The following SCFD2 variants were observed in gnomAD, a reference collection of about 807,000 sequenced individuals.
SCFD2 encodes sec1 family domain containing 2, also known as sec1 family domain-containing protein 2.
In SCFD2, 54 loss-of-function variants were observed where a neutral mutation model predicts 58.9. That is an observed-to-expected ratio of 0.92 (90% confidence interval 0.74 to 1.15). The LOEUF (loss-of-function observed/expected upper bound fraction) is 1.15. SCFD2 is among the 50% of genes most tolerant of loss of function. The probability of loss-of-function intolerance (pLI) is 0.00; values close to 1 mark genes in which losing one functional copy is unlikely to be tolerated. For synonymous variants in SCFD2, 321 were observed against 335.9 expected (o/e 0.96, Z 0.49); for missense variants, 805 against 836.6 (o/e 0.96, Z 0.47).
chr4:52,930,345 T>C (rs545717767), intron 5 of SCFD2, among the ~76,000 whole-genome samples: 4 of 152,292 alleles, frequency 2.6e-5, no homozygotes, highest in East Asian at 3.9e-4. Context: ...TTATGCCTTA[T>C]ATGAAAATTA....
At chr4:53,179,596 T>C (rs1333653616) in intron 4 of SCFD2, among the ~76,000 whole-genome samples, 2 of 152,264 alleles carry the variant, frequency 1.3e-5, no homozygotes, top group East Asian at 1.9e-4. Context: ...CATCAACTAA[T>C]GAGCAAAATA....
chr4:53,008,332 C>G (rs1412483406), intron 5 of SCFD2, among the ~76,000 whole-genome samples: 3 of 152,144 alleles, frequency 2.0e-5, no homozygotes, highest in African/African-American at 7.2e-5. Flanking sequence ...GAATGACACC[C>G]CCCCTTCCCC....
At chr4:52,921,038 G>C (rs192459794) in intron 5 of SCFD2, among the ~76,000 whole-genome samples, 168 bp from the exon 6 acceptor site, 1 of 151,390 alleles carries the variant, frequency 6.6e-6, no homozygotes, top group Non-Finnish European at 1.5e-5. Flanking sequence ...CAACTGGGCT[G>C]TTTCAATCGT....
intron 5 of SCFD2, among the ~76,000 whole-genome samples, chr4:53,103,768 T>TAAAAAAA (rs35959095): frequency 2.9e-5 from 1 of 34,024 alleles, no homozygotes; most frequent in Non-Finnish European, 4.9e-5. Flanking sequence ...AGTAAGGAAG[T>TAAAAAAA]AAAAAAAAAA....
intron 4 of SCFD2, among the ~76,000 whole-genome samples, chr4:53,177,213 T>C (rs997921541): frequency 6.6e-6 from 1 of 152,106 alleles, no homozygotes; most frequent in Non-Finnish European, 1.5e-5. Flanking sequence ...TAGAGTCTAG[T>C]GGGGGATAGA....
chr4:53,247,025 C>A (rs982949294), intron 4 of SCFD2, among the ~76,000 whole-genome samples: 7 of 144,320 alleles, frequency 4.9e-5, no homozygotes, highest in South Asian at 2.2e-4. Flanking sequence ...CCAAACAACA[C>A]CATTAAAAAT....
intron 5 of SCFD2, among the ~76,000 whole-genome samples, chr4:53,025,203 T>C (rs1722444057): frequency 6.6e-6 from 1 of 152,216 alleles, no homozygotes; most frequent in African/African-American, 2.4e-5. Flanking sequence ...CTTGGTCATA[T>C]AATACCACAT....
chr4:53,072,287 G>A lies in SCFD2; in HGVS notation c.1561+73046C>T, dbSNP rs190776303. On this transcript the variant is annotated intron_variant, in intron 5 of 8. Coordinates refer to ENST00000401642, the MANE Select transcript of SCFD2 (RefSeq NM_152540.4). ...AATAACTTATTCAGGCAGATAGTGAGGATAAAAGAGTCCTCAGCAGAATTT... is the reference window on the plus strand; with the variant it reads ...AATAACTTATTCAGGCAGATAGTGAAGATAAAAGAGTCCTCAGCAGAATTT... 6.9e-3 allele frequency among the ~76,000 whole-genome samples: 1,053 copies of A among 152,238 alleles called. 12 individuals are homozygous for A. The highest frequency in any genetic ancestry group is 8.5e-3 in the Non-Finnish European group (577 of 68,010).
rs189231998 is a variant in SCFD2, at chr4:53,155,010, T to C, written c.1312-9428A>G. Among the ~76,000 whole-genome samples the C allele has an allele frequency of 2.1e-3, 314 of 152,348 alleles. 1 individual carries two copies. The highest frequency in any genetic ancestry group is 4.1e-3 in the South Asian group (20 of 4,826). The stretch of plus-strand genomic sequence containing the variant: ...AGAGACAACCCTGATGACATCTTGA[T>C]GTTAATCCAGTAAGACCTTCCGAAC... On this transcript the variant is annotated intron_variant, in intron 4 of 8. Transcript: ENST00000401642.
chr4:53,277,209 C>T (rs1167774435), intron 3 of SCFD2, among the ~76,000 whole-genome samples: 1 of 152,178 alleles, frequency 6.6e-6, no homozygotes, highest in Non-Finnish European at 1.5e-5. Flanking sequence ...TTAATTCAGC[C>T]TCTTACGTGT....
chr4:53,024,578 T>C (rs531456775), intron 5 of SCFD2, among the ~76,000 whole-genome samples: 4 of 152,158 alleles, frequency 2.6e-5, no homozygotes, highest in Non-Finnish European at 5.9e-5. Flanking sequence ...AGACTGGCCA[T>C]CCAGTGCCAA....
chr4:52,992,744 C>T (rs577976907), intron 5 of SCFD2, among the ~76,000 whole-genome samples: 4 of 151,896 alleles, frequency 2.6e-5, no homozygotes, highest in East Asian at 1.9e-4. Context: ...AGAGCCCCTC[C>T]GCCCGGCAGC....
intron 5 of SCFD2, among the ~76,000 whole-genome samples, chr4:53,097,199 C>T (rs1398651701): frequency 6.6e-6 from 1 of 152,134 alleles, no homozygotes; most frequent in African/African-American, 2.4e-5. Flanking sequence ...GCAATGGGGG[C>T]TCTCTTTTGG....
intron 5 of SCFD2, among the ~76,000 whole-genome samples, chr4:53,042,214 T>G (rs1476538711): frequency 6.6e-6 from 1 of 152,200 alleles, no homozygotes; most frequent in Admixed American, 6.6e-5. Context: ...GGATTTGCTA[T>G]CTATTCCTCA....
At chr4:52,905,115 T>C (rs936129016) in intron 7 of SCFD2, among the ~76,000 whole-genome samples, 4 of 152,226 alleles carry the variant, frequency 2.6e-5, no homozygotes, top group African/African-American at 9.6e-5. Context: ...GGCTGGTAAA[T>C]GGTTATAACC....
At chr4:53,289,882 A>T (rs965720790) in intron 3 of SCFD2, among the ~76,000 whole-genome samples, 1 of 152,332 alleles carries the variant, frequency 6.6e-6, no homozygotes, top group Non-Finnish European at 1.5e-5. Flanking sequence ...GGTACAAGAG[A>T]CAAAGGTTAA....
At chr4:52,878,280 GAGT>G (rs1718526583) in intron 8 of SCFD2, among the ~76,000 whole-genome samples, 2 of 152,212 alleles carry the variant, frequency 1.3e-5, no homozygotes, top group Admixed American at 1.3e-4. Flanking sequence ...AGGAGGCAGG[GAGT>G]GTAGCCACGG....
intron 4 of SCFD2, among the ~76,000 whole-genome samples, chr4:53,258,510 T>C (rs1434341878): frequency 6.7e-6 from 1 of 148,230 alleles, no homozygotes; most frequent in Non-Finnish European, 1.5e-5. Flanking sequence ...TTTCTTTTTA[T>C]GGCTAAGTCG....
Position 53,086,227 on chromosome 4 carries a change from G to C in SCFD2, c.1561+59106C>G, listed in dbSNP as rs1425782852. Among the ~76,000 whole-genome samples the C allele has an allele frequency of 2.6e-5, 4 of 152,126 alleles. No homozygotes were observed. The South Asian group carries it at 8.3e-4, about 32-fold the overall frequency. ...GATTTAAAAAGTGGGCAAAACATCT[G>C]AATAGACATTTCTCAAAAGAAGACA... On this transcript the variant is annotated intron_variant, in intron 5 of 8. Coordinates refer to ENST00000401642, the MANE Select transcript of SCFD2 (RefSeq NM_152540.4).
Sources: gnomAD v4.1 joint callset for allele counts (sites outside exome capture counted in the v4.1 genomes callset) on GRCh38, gnomAD v4.1.1 for gene constraint, MANE v1.5 for transcripts, NCBI Gene and HGNC (gene_info 2026-07-23, HGNC 2026-07-21) for gene names.